The following MROH1 variants were observed in gnomAD, a reference collection of about 807,000 sequenced individuals.
MROH1 encodes maestro heat like repeat family member 1.
MROH1 carries 117 observed loss-of-function variants against 116.5 expected under a neutral mutation model. The observed-to-expected ratio is 1.00, with a 90% CI of 0.86 to 1.17. MROH1 has a LOEUF of 1.17. Ranked by LOEUF, MROH1 falls within the 50% of genes most tolerant of loss-of-function variation. The pLI, the probability that MROH1 is intolerant of heterozygous loss-of-function variation, is 0.00. For synonymous variants in MROH1, 921 were observed against 583.9 expected, an observed-to-expected ratio of 1.58 and a Z score of -8.32; for missense variants, 1,873 against 1,338.5, an observed-to-expected ratio of 1.40 and a Z score of -6.23.
chr8:144,224,780 C>T (rs1228367888), intron 14 of MROH1, among the ~76,000 whole-genome samples: 2 of 152,120 alleles, frequency 1.3e-5, no homozygotes, highest in Non-Finnish European at 2.9e-5. Flanking sequence ...AGGGGGTGAG[C>T]GGCAGCGGCA....
At chr8:144,197,463 T>A (rs1830178486) in intron 10 of MROH1, among the ~76,000 whole-genome samples, 1 of 105,774 alleles carries the variant, frequency 9.5e-6, no homozygotes, top group Non-Finnish European at 1.8e-5. Flanking sequence ...TGAGACGGAA[T>A]CTTGCTCTGT....
chr8:144,168,457 G>A lies in MROH1; in HGVS notation c.168+17G>A. ...CATGACAAGGTATGTGTGCTCCTTG[G>A]TGGGGATGATGTTGTCAGGGCCATG... On this transcript the variant is annotated intron_variant, in intron 4 of 43. Transcript: ENST00000326134. The A allele has an allele frequency of 1.3e-6, 2 of 1,591,086 alleles. No individual in the cohort carries two copies. Among genetic ancestry groups the A allele is most frequent in the East Asian group, 4.5e-5 (2 of 44,600 alleles).
rs782484808 is a variant in MROH1, at chr8:144,259,646, G to A, written c.4045-265G>A. 3.9e-3 allele frequency among the ~76,000 whole-genome samples: 598 copies of A among 152,376 alleles called. 4 individuals carry two copies. Among genetic ancestry groups the A allele is most frequent in the Non-Finnish European group, 3.3e-3 (227 of 68,024 alleles). On this transcript the variant is annotated intron_variant, in intron 37 of 43. Transcript: ENST00000326134. Reference sequence around the variant, plus strand: ...AGGGCTGGCCCCTGGGACCCCAGGTGCCCTTGGTGGTGTGGTCTTGGCCTT... The same window carrying A: ...AGGGCTGGCCCCTGGGACCCCAGGTACCCTTGGTGGTGTGGTCTTGGCCTT...
At chr8:144,243,446 C>T in intron 24 of MROH1, 48 bp from the exon 25 acceptor site, 2 of 775,134 alleles carry the variant, frequency 2.6e-6, no homozygotes, top group Non-Finnish European at 4.8e-6. Context: ...GCGGGTTCAG[C>T]CCTGGAGGGC....
At chr8:144,172,887 C>A (rs571405716) in intron 4 of MROH1, among the ~76,000 whole-genome samples, 1 of 152,122 alleles carries the variant, frequency 6.6e-6, no homozygotes, top group Admixed American at 6.6e-5. Flanking sequence ...ACTAACCTGA[C>A]CATCTTGGGT....
intron 2 of MROH1, among the ~76,000 whole-genome samples, chr8:144,161,695 C>T (rs1321699753): frequency 6.6e-6 from 1 of 152,240 alleles, no homozygotes; most frequent in Non-Finnish European, 1.5e-5. Flanking sequence ...AGTCCAAGTC[C>T]ATGTGCCCAT....
At chr8:144,259,034 C>T (rs1844464894) in intron 36 of MROH1, 120 bp downstream of exon 36, 1 of 642,308 alleles carries the variant, frequency 1.6e-6, no homozygotes, top group Non-Finnish European at 2.8e-6. Flanking sequence ...GCCCTGGGCT[C>T]CTGCCTGTTC....
chr8:144,186,524 G>C (rs2131490666), intron 7 of MROH1, among the ~76,000 whole-genome samples: 1 of 152,288 alleles, frequency 6.6e-6, no homozygotes, highest in Non-Finnish European at 1.5e-5. Flanking sequence ...CTGAACCCAA[G>C]TCAGAGATGG....
chr8:144,215,733 C>A (rs780096135), intron 12 of MROH1, among the ~76,000 whole-genome samples: 1 of 151,592 alleles, frequency 6.6e-6, no homozygotes, highest in Non-Finnish European at 1.5e-5. Context: ...ATTAGCCGGG[C>A]GTGGTGGCGG....
At chr8:144,156,985 T>C (rs1170780340) in intron 1 of MROH1, among the ~76,000 whole-genome samples, 1 of 151,500 alleles carries the variant, frequency 6.6e-6, no homozygotes, top group African/African-American at 2.4e-5. Context: ...AGACAGAGTC[T>C]CACTGTGTTG....
At chr8:144,211,301 C>CATTA (rs1369217517) in intron 12 of MROH1, among the ~76,000 whole-genome samples, 1 of 152,122 alleles carries the variant, frequency 6.6e-6, no homozygotes, top group Non-Finnish European at 1.5e-5. Flanking sequence ...TGCCTGTATC[C>CATTA]ATTAATTAAT....
chr8:144,198,011 T>G (rs1471918069), intron 10 of MROH1, among the ~76,000 whole-genome samples: 1 of 146,438 alleles, frequency 6.8e-6, no homozygotes, highest in Non-Finnish European at 1.5e-5. Context: ...GTCACGCCAT[T>G]GCACTCCAGC....
At chr8:144,179,818 C>T (rs1271110350) in intron 5 of MROH1, among the ~76,000 whole-genome samples, 3 of 152,210 alleles carry the variant, frequency 2.0e-5, no homozygotes, top group African/African-American at 4.8e-5. Flanking sequence ...TCAGCACACG[C>T]AGGACCGTGG....
rs1296354726 is a variant in MROH1, at chr8:144,258,839, G to C, written c.3854G>C (p.Arg1285Pro). Residue 1285 changes from arginine (R) to proline (P), a missense_variant, in exon 36 of 44, where the codon CGC becomes CCC. Coordinates refer to ENST00000326134, the MANE Select transcript of MROH1 (RefSeq NM_032450.3). Reference sequence around the variant, plus strand: ...AGCGGCAGCGAGGATGTGGTACAGCGCATGGACCTGGAGGGAGGCTGGGAA... The same window carrying C: ...AGCGGCAGCGAGGATGTGGTACAGCCCATGGACCTGGAGGGAGGCTGGGAA... The part of the protein sequence containing the change: ...LRSGSEDVVQ[R>P]MDLEGGWELL... 5.2e-6 allele frequency: 4 copies of C among 768,714 alleles called. No homozygotes were observed. The highest frequency in any genetic ancestry group is 9.7e-6 in the Non-Finnish European group (4 of 414,236). The allele number at this position is 768,714 out of a possible 1,614,324, so 47.6% of individuals were successfully genotyped here. A position where few individuals can be genotyped will look rare whatever the true frequency, so the allele number is the denominator to read the frequency against.
In MROH1 at chr8:144,261,200, T is replaced by A; in HGVS notation, c.4758T>A (p.Ala1586=). Residue 1586 remains alanine, a synonymous_variant, in exon 42 of 44, where the codon GCT becomes GCA. Coordinates refer to ENST00000326134, the MANE Select transcript of MROH1 (RefSeq NM_032450.3). ...GCAGCTGGGAGAACGTCCGAGCTGCTGCACCCCTGTTCACCGGTAAGCACC... is the reference window on the plus strand; with the variant it reads ...GCAGCTGGGAGAACGTCCGAGCTGCAGCACCCCTGTTCACCGGTAAGCACC... The part of the protein sequence containing the change: ...FKSSWENVRA[A]APLFTGFLVL... 1.0e-5 allele frequency: 8 copies of A among 765,464 alleles called. No individual in the cohort carries two copies. The highest frequency in any genetic ancestry group is 1.7e-5 in the Non-Finnish European group (7 of 417,582). The allele number at this position is 765,464 out of a possible 1,614,324, so 47.4% of individuals were successfully genotyped here.
At chr8:144,249,735 C>G (rs1842529932) in intron 32 of MROH1, among the ~76,000 whole-genome samples, 1 of 152,342 alleles carries the variant, frequency 6.6e-6, no homozygotes, top group South Asian at 2.1e-4. Flanking sequence ...CGTCTCAGGC[C>G]CAGCTCCATC....
intron 10 of MROH1, among the ~76,000 whole-genome samples, chr8:144,195,298 G>A (rs1200788469): frequency 6.8e-6 from 1 of 148,002 alleles, no homozygotes; most frequent in Non-Finnish European, 1.5e-5. Context: ...TCAGGAGATC[G>A]AGACCATCCT....
At position 144,200,534 on chromosome 8, in the gene MROH1, C is replaced by T. The variant is rs1382573425; in HGVS notation, c.1134C>T (p.Asn378=). The change falls in exon 12 of 44, where the codon AAC becomes AAT. Residue 378 remains asparagine, a synonymous_variant. Coordinates refer to ENST00000326134, the MANE Select transcript of MROH1 (RefSeq NM_032450.3). ...TGCAGGTGGTCAGACATGTCATCAA[C>T]TCAGCTGGTGAGTGCCTCCATGCTA... ...GTLQVVRHVI[N]SAAAQMEDKK... 2 of 1,550,226 alleles carry T rather than the reference C, an allele frequency of 1.3e-6. No homozygotes were observed. The highest frequency in any genetic ancestry group is 1.7e-6 in the Non-Finnish European group (2 of 1,146,716).
intron 33 of MROH1, 120 bp from the exon 34 acceptor site, chr8:144,254,693 C>T: frequency 1.6e-6 from 1 of 618,664 alleles, no homozygotes; most frequent in Non-Finnish European, 2.9e-6. Context: ...CAGCTGGCTG[C>T]AGCTGAGCCT....
Sources: allele counts gnomAD v4.1 joint callset (sites outside exome capture counted in the v4.1 genomes callset), GRCh38; gene constraint gnomAD v4.1.1; transcripts MANE v1.5; gene names NCBI Gene and HGNC (gene_info 2026-07-23, HGNC 2026-07-21).